Variants in DPP10 observed in about 807,000 individuals in gnomAD.
DPP10 encodes dipeptidyl peptidase like 10, also known as inactive dipeptidyl peptidase 10.
In DPP10, 33 loss-of-function variants were observed where a neutral mutation model predicts 120.9. The ratio of observed to expected loss-of-function variants is 0.27; its 90% confidence interval spans 0.21 to 0.37. The LOEUF is 0.37. Ranked by LOEUF, DPP10 falls within the 10% of genes least tolerant of loss-of-function variation. The probability of loss-of-function intolerance (pLI) is 1.00; values close to 1 mark genes in which losing one functional copy is unlikely to be tolerated. For missense variants in DPP10, 816 were observed against 942.8 expected (o/e 0.87, Z 1.76); for synonymous variants, 337 against 326.1 (o/e 1.03, Z -0.36).
intron 1 of DPP10, chr2:114,828,914 G>A (rs1686806990): frequency 6.6e-6 from 1 of 152,108 alleles, no homozygotes; most frequent in Non-Finnish European, 1.5e-5. Flanking sequence ...AAACAGTCCA[G>A]GGCATAGAAA....
intron 1 of DPP10, among the ~76,000 whole-genome samples, chr2:115,113,041 A>G (rs997695440): frequency 3.3e-5 from 5 of 152,226 alleles, no homozygotes; most frequent in Admixed American, 2.0e-4. Flanking sequence ...TACTCTGCAG[A>G]TACATAGGTC....
intron 1 of DPP10, among the ~76,000 whole-genome samples, chr2:115,219,945 AG>A (rs2057049414): frequency 6.6e-6 from 1 of 152,216 alleles, no homozygotes; most frequent in African/African-American, 2.4e-5. Flanking sequence ...GAAATGTATG[AG>A]CCAGTTATTC....
intron 1 of DPP10, among the ~76,000 whole-genome samples, chr2:115,003,285 T>A (rs143750399): frequency 1.3e-5 from 2 of 151,724 alleles, no homozygotes. Flanking sequence ...AAATACTGCA[T>A]GTTCTCACTT....
At chr2:115,564,873 G>C (rs544522803) in intron 5 of DPP10, among the ~76,000 whole-genome samples, 1 of 152,298 alleles carries the variant, frequency 6.6e-6, no homozygotes, top group South Asian at 2.1e-4. Context: ...AGTTGGGTTA[G>C]AGTGGGAAGA....
At chr2:114,748,338 C>CTTTTTTTTTTTT (rs1255227047) in intron 1 of DPP10, among the ~76,000 whole-genome samples, 4 of 70,314 alleles carry the variant, frequency 5.7e-5, no homozygotes, top group East Asian at 3.9e-4. Context: ...AGGGAATTTT[C>CTTTTTTTTTTTT]TTTTTTTTTT....
intron 2 of DPP10, among the ~76,000 whole-genome samples, chr2:115,317,903 A>C (rs542583729): frequency 6.6e-6 from 1 of 152,038 alleles, no homozygotes; most frequent in Admixed American, 6.6e-5. Context: ...ACTTTCTTCT[A>C]TAATGTAGGT....
intron 11 of DPP10, among the ~76,000 whole-genome samples, chr2:115,759,403 A>G (rs570090816): frequency 1.3e-5 from 2 of 151,794 alleles, no homozygotes; most frequent in African/African-American, 4.8e-5. Context: ...ATATAAAAAA[A>G]AAAAAATAAA....
chr2:114,474,968 C>T (rs1439359882), intron 1 of DPP10, among the ~76,000 whole-genome samples: 1 of 152,150 alleles, frequency 6.6e-6, no homozygotes, highest in South Asian at 2.1e-4. Flanking sequence ...ATGCATGGCG[C>T]AGGGGCTTCT....
chr2:115,687,511 A>ATAGATAGATAGGTAGG (rs1553480043), intron 5 of DPP10, among the ~76,000 whole-genome samples: 1 of 151,926 alleles, frequency 6.6e-6, no homozygotes, highest in African/African-American at 2.4e-5. Context: ...AGATAGATAG[A>ATAGATAGATAGGTAGG]TAGATAGATA....
chr2:115,001,076 C>T (rs1701407925), intron 1 of DPP10, among the ~76,000 whole-genome samples: 1 of 152,162 alleles, frequency 6.6e-6, no homozygotes, highest in South Asian at 2.1e-4. Flanking sequence ...ACTTGTTTTA[C>T]TCTACCTGTA....
At position 114,610,209 on chromosome 2, in the gene DPP10, T is replaced by C. The variant is rs149551221; in HGVS notation, c.60+167371T>C. ...ATATATCACAGGCGTATGTTTTGTT[T>C]TGGGTCTGTATTTGCCTTCTAGAAT... On this transcript the variant is annotated intron_variant, in intron 1 of 25. Coordinates refer to ENST00000410059, the MANE Select transcript of DPP10 (RefSeq NM_020868.6). Among the ~76,000 whole-genome samples the C allele has an allele frequency of 3.7e-3, 568 of 151,856 alleles. 3 individuals carry two copies. The highest frequency in any genetic ancestry group is 0.013 in the African/African-American group (549 of 41,182).
intron 1 of DPP10, among the ~76,000 whole-genome samples, chr2:114,937,340 A>G (rs1368512263): frequency 6.6e-6 from 1 of 152,118 alleles, no homozygotes; most frequent in Non-Finnish European, 1.5e-5. Flanking sequence ...TTTATTGAAT[A>G]TGGTGTCCTT....
At chr2:114,460,084 G>A (rs1402310590) in intron 1 of DPP10, among the ~76,000 whole-genome samples, 1 of 152,138 alleles carries the variant, frequency 6.6e-6, no homozygotes, top group African/African-American at 2.4e-5. Flanking sequence ...AATACGCTGA[G>A]ATGATAATGG....
intron 1 of DPP10, among the ~76,000 whole-genome samples, chr2:115,026,781 C>T (rs1573355761): frequency 6.6e-6 from 1 of 152,330 alleles, no homozygotes; most frequent in East Asian, 1.9e-4. Context: ...ATGCAATCTT[C>T]CCACCTCTGC....
At chr2:114,968,228 T>C (rs943239619) in intron 1 of DPP10, among the ~76,000 whole-genome samples, 2 of 152,334 alleles carry the variant, frequency 1.3e-5, no homozygotes, top group Non-Finnish European at 2.9e-5. Context: ...TGTTGTTGGC[T>C]CTGAAAGGTA....
intron 3 of DPP10, among the ~76,000 whole-genome samples, chr2:115,490,383 GA>G (rs1455728119): frequency 6.6e-6 from 1 of 151,072 alleles, no homozygotes; most frequent in African/African-American, 2.4e-5. Context: ...CAGCATGGGG[GA>G]AACCACCCCC....
chr2:115,342,079 G>A (rs1452957056), intron 2 of DPP10: 3 of 442,918 alleles, frequency 6.8e-6, no homozygotes, highest in African/African-American at 6.1e-5. Context: ...AGTGAGAGTT[G>A]GTCATTTTAT....
In DPP10 at chr2:115,188,061, A is replaced by AAGAGAGAG. The variant is rs59672278; in HGVS notation, c.61-121161_61-121154dup. On this transcript the variant is annotated intron_variant, in intron 1 of 25. Transcript: ENST00000410059. ...AGAGAGAGAGGGAGAGAGAGAGGCA[A>AAGAGAGAG]AGAGAGAGAGAGAGAGAGAGAGAGC... Among the ~76,000 whole-genome samples the AAGAGAGAG allele has an allele frequency of 1.5e-4, 22 of 147,078 alleles. 1 individual carries two copies. The highest frequency in any genetic ancestry group is 2.0e-4 in the East Asian group (1 of 4,930).
At chr2:114,819,799 G>A (rs1405625992) in intron 1 of DPP10, among the ~76,000 whole-genome samples, 5 of 152,160 alleles carry the variant, frequency 3.3e-5, no homozygotes, top group African/African-American at 4.8e-5. Flanking sequence ...TATCAAAACC[G>A]GAAGCACAGT....
Sources: allele counts gnomAD v4.1 joint callset (sites outside exome capture counted in the v4.1 genomes callset), GRCh38; gene constraint gnomAD v4.1.1; transcripts MANE v1.5; gene names NCBI Gene and HGNC (gene_info 2026-07-23, HGNC 2026-07-21).